The following STT3B variants were observed in gnomAD, a reference collection of about 807,000 sequenced individuals.
STT3B encodes the protein dolichyl-diphosphooligosaccharide--protein glycosyltransferase subunit STT3B.
A neutral mutation model predicts 96.8 loss-of-function variants in STT3B; 29 were observed. The observed-to-expected ratio is 0.30, with a 90% CI of 0.22 to 0.41. The LOEUF (loss-of-function observed/expected upper bound fraction) is 0.41, where lower values mean the gene tolerates loss of function less well. STT3B is among the 10% of genes least tolerant of loss of function. The pLI, the probability that STT3B is intolerant of heterozygous loss-of-function variation, is 1.00. For synonymous variants in STT3B, 367 were observed against 360.0 expected (o/e 1.02, Z -0.22); for missense variants, 640 against 1,022.3 (o/e 0.63, Z 5.10).
At chr3:31,540,428 TAACC>T (rs1015689837) in intron 1 of STT3B, among the ~76,000 whole-genome samples, 8 of 152,218 alleles carry the variant, frequency 5.3e-5, no homozygotes, top group African/African-American at 1.9e-4. Context: ...GATTAGTTGA[TAACC>T]AAGTTGATAA....
chr3:31,580,235 A>T (rs1274083631), intron 3 of STT3B, 139 bp downstream of exon 3: 13 of 776,044 alleles, frequency 1.7e-5, no homozygotes, highest in Non-Finnish European at 2.7e-5. Context: ...AATCAATTTA[A>T]TAATGGATAA....
chr3:31,634,174 G>C (rs73826819), intron 15 of STT3B, among the ~76,000 whole-genome samples: 8,272 of 152,246 alleles, frequency 0.054, 762 homozygotes, highest in African/African-American at 0.19. Context: ...TTAGTCATAT[G>C]AAACTCATTA....
intron 3 of STT3B, 57 bp from the exon 4 acceptor site, chr3:31,596,741 A>G: frequency 7.2e-7 from 1 of 1,395,274 alleles, no homozygotes; most frequent in South Asian, 1.2e-5. Context: ...AACTTTTAAA[A>G]ATTCCGCAAG....
chr3:31,616,980 G>A lies in STT3B; in HGVS notation c.1028G>A (p.Arg343Gln), dbSNP rs764761898. Residue 343 changes from arginine (R) to glutamine (Q), a missense_variant, in exon 7 of 16, where the codon CGA (arginine) becomes CAA (glutamine). By Grantham distance (43) the Arg-to-Gln change is conservative. This residue lies in a region of STT3B where 267 missense variants were observed against 388.3 expected (regional missense o/e 0.69). Transcript: ENST00000295770. Reference sequence around the variant, plus strand: ...GCTTTCTTGCAGTATCTGAGAGACCGATTAACAAAACAAGAGTTCCAGACC... The same window carrying A: ...GCTTTCTTGCAGTATCTGAGAGACCAATTAACAAAACAAGAGTTCCAGACC... The part of the protein sequence containing the change: ...AYAFLQYLRD[R>Q]LTKQEFQTLF... 2.0e-5 allele frequency: 33 copies of A among 1,612,238 alleles called. No individual in the cohort carries two copies. The East Asian group carries it at 2.2e-4, about 11-fold the overall frequency.
chr3:31,600,626 G>A (rs1393932036), intron 5 of STT3B, among the ~76,000 whole-genome samples, 167 bp downstream of exon 5: 1 of 151,892 alleles, frequency 6.6e-6, no homozygotes, highest in Non-Finnish European at 1.5e-5. Flanking sequence ...TTATATAAGT[G>A]CTTTGTCATC....
chr3:31,566,999 AT>A (rs1698021523), intron 1 of STT3B, among the ~76,000 whole-genome samples: 2 of 152,090 alleles, frequency 1.3e-5, no homozygotes, highest in Non-Finnish European at 2.9e-5. Context: ...TTAGAGGCAC[AT>A]TTTTCTAATA....
chr3:31,619,792 G>C lies in STT3B; in HGVS notation c.1289G>C (p.Trp430Ser). 1 of 1,612,596 alleles carries C rather than the reference G, an allele frequency of 6.2e-7. No individual in the cohort carries two copies. Among genetic ancestry groups the C allele is most frequent in the Non-Finnish European group, 8.5e-7 (1 of 1,179,624 alleles). Residue 430 changes from tryptophan to serine, a missense_variant, in exon 9 of 16, where the codon TGG becomes TCG. Around this residue, in one of 8 missense-constraint regions of STT3B, gnomAD observed 33 missense variants for 43.1 expected, o/e 0.77. Coordinates refer to ENST00000295770, the MANE Select transcript of STT3B (RefSeq NM_178862.3). ...ILVCTFPAGLWFCIKNINDER... is the reference protein window; with the variant it reads ...ILVCTFPAGLSFCIKNINDER... ...GTATGTACCTTCCCAGCAGGCCTTTGGTTCTGCATCAAAAATATCAACGAT... is the reference window on the plus strand; with the variant it reads ...GTATGTACCTTCCCAGCAGGCCTTTCGTTCTGCATCAAAAATATCAACGAT...
intron 3 of STT3B, 149 bp downstream of exon 3, chr3:31,580,245 A>G: frequency 1.4e-6 from 1 of 738,454 alleles, no homozygotes; most frequent in Non-Finnish European, 2.2e-6. Flanking sequence ...ATAATGGATA[A>G]CATTTTAAAA....
intron 1 of STT3B, among the ~76,000 whole-genome samples, chr3:31,575,023 A>G (rs927359079): frequency 1.3e-5 from 2 of 152,024 alleles, no homozygotes; most frequent in African/African-American, 4.8e-5. Flanking sequence ...TTGCCATTCA[A>G]AATCTTAAAT....
chr3:31,533,372 C>T, intron 1 of STT3B, 60 bp downstream of exon 1: 1 of 1,388,214 alleles, frequency 7.2e-7, no homozygotes, highest in African/African-American at 1.5e-5. Context: ...ACCCGCTCCT[C>T]CGCCCGCCGC....
At chr3:31,609,843 G>T (rs7349468) in intron 5 of STT3B, among the ~76,000 whole-genome samples, 1 of 151,876 alleles carries the variant, frequency 6.6e-6, no homozygotes, top group Admixed American at 6.6e-5. Flanking sequence ...GATTACAGGC[G>T]TGAACCACCA....
At chr3:31,612,084 G>C (rs1699194605) in intron 5 of STT3B, among the ~76,000 whole-genome samples, 1 of 152,120 alleles carries the variant, frequency 6.6e-6, no homozygotes, top group African/African-American at 2.4e-5. Context: ...GCACCAATAT[G>C]ATTCTCAAAG....
At chr3:31,574,736 G>A (rs1309596417) in intron 1 of STT3B, among the ~76,000 whole-genome samples, 2 of 151,944 alleles carry the variant, frequency 1.3e-5, no homozygotes, top group African/African-American at 2.4e-5. Context: ...TGCCTTATTA[G>A]CAATCCAGTG....
chr3:31,583,524 T>C (rs971606633), intron 3 of STT3B, among the ~76,000 whole-genome samples: 5 of 152,128 alleles, frequency 3.3e-5, no homozygotes, highest in African/African-American at 1.2e-4. Flanking sequence ...AGTCTGTCTT[T>C]TCTCATATTA....
At position 31,579,949 on chromosome 3, in the gene STT3B, T is replaced by C; in HGVS notation, c.564T>C (p.Leu188=). 1.2e-6 allele frequency: 2 copies of C among 1,613,952 alleles called. No individual in the cohort carries two copies. The highest frequency in any genetic ancestry group is 1.7e-6 in the Non-Finnish European group (2 of 1,179,864). ...SGLTSISTFL[L]TRELWNQGAG... ...TTACATCTATATCTACTTTCCTGCT[T>C]ACAAGAGAACTTTGGAACCAAGGAG... Residue 188 remains leucine (L), a synonymous_variant, in exon 3 of 16, where the codon CTT becomes CTC. Transcript: ENST00000295770.
chr3:31,594,584 C>T (rs1698744141), intron 3 of STT3B, among the ~76,000 whole-genome samples: 1 of 152,024 alleles, frequency 6.6e-6, no homozygotes, highest in South Asian at 2.1e-4. Context: ...CGTGCACCAC[C>T]ACGCTCAGCT....
chr3:31,593,396 G>A (rs1020195865), intron 3 of STT3B, among the ~76,000 whole-genome samples: 2 of 151,370 alleles, frequency 1.3e-5, no homozygotes, highest in East Asian at 3.9e-4. Flanking sequence ...TTATCTGCCA[G>A]TACTTTGACT....
chr3:31,540,165 A>G (rs981020756), intron 1 of STT3B, among the ~76,000 whole-genome samples: 8 of 152,166 alleles, frequency 5.3e-5, no homozygotes, highest in Admixed American at 1.3e-4. Flanking sequence ...TAAATTTACA[A>G]TATCGTAAAT....
At chr3:31,574,140 G>A (rs867795949) in intron 1 of STT3B, among the ~76,000 whole-genome samples, 8 of 151,974 alleles carry the variant, frequency 5.3e-5, no homozygotes, top group African/African-American at 1.9e-4. Context: ...TTAAAACCTT[G>A]GTATTCTTGC....
Sources: gnomAD v4.1 joint callset for allele counts (sites outside exome capture counted in the v4.1 genomes callset) on GRCh38, gnomAD v4.1.1 for gene constraint, gnomAD v4.1.1 regional missense constraint, MANE v1.5 for transcripts, NCBI Gene and HGNC (gene_info 2026-07-23, HGNC 2026-07-21) for gene names.